The following PMEPA1 variants were observed in gnomAD, a reference collection of about 807,000 sequenced individuals.
PMEPA1 encodes prostate transmembrane protein, androgen induced 1.
In PMEPA1, 11 loss-of-function variants were observed where a neutral mutation model predicts 23.0. The ratio of observed to expected loss-of-function variants is 0.48; its 90% CI spans 0.30 to 0.79. The LOEUF (loss-of-function observed/expected upper bound fraction) is 0.79, where lower values mean the gene tolerates loss of function less well. Among genes scored for constraint, PMEPA1 ranks in the 30% least tolerant of loss-of-function variants. The pLI is 0.06. For synonymous variants in PMEPA1, 204 were observed against 166.4 expected, an observed-to-expected ratio of 1.23 and a Z score of -1.74; for missense variants, 377 against 390.9, an observed-to-expected ratio of 0.96 and a Z score of 0.30.
intron 1 of PMEPA1, among the ~76,000 whole-genome samples, chr20:57,687,987 A>G (rs113499415): frequency 6.6e-5 from 10 of 152,254 alleles, no homozygotes; most frequent in African/African-American, 2.4e-4. Flanking sequence ...CCCTGGGTTC[A>G]GTGTCTTTCC....
chr20:57,679,219 C>A (rs532397297), intron 1 of PMEPA1, among the ~76,000 whole-genome samples: 1 of 152,154 alleles, frequency 6.6e-6, no homozygotes, highest in South Asian at 2.1e-4. Context: ...AAAAAACACT[C>A]CTGGCCAAAC....
At chr20:57,668,766 G>T (rs1037079942) in intron 1 of PMEPA1, among the ~76,000 whole-genome samples, 1 of 152,202 alleles carries the variant, frequency 6.6e-6, no homozygotes, top group Non-Finnish European at 1.5e-5. Context: ...CTTGTTTTCT[G>T]TTCTATAAAA....
In PMEPA1 at chr20:57,652,236, C is replaced by T. The variant is rs762939071; in HGVS notation, c.681G>A (p.Gly227=). ...TGACCTCGCTGTAGGTGGGCGGCGGCCCCTCCATGCGCCCGCCGCTGCCGT... is the reference window on the plus strand; with the variant it reads ...TGACCTCGCTGTAGGTGGGCGGCGGTCCCTCCATGCGCCCGCCGCTGCCGT... ...TCYGSGGRME[G]PPPTYSEVIG... Residue 227 remains glycine, a synonymous_variant, in exon 4 of 4, where the codon GGG becomes GGA. Coordinates refer to ENST00000341744, the MANE Select transcript of PMEPA1 (RefSeq NM_020182.5). This position sits in a 1 kb window ranked among gnomAD's most constrained non-coding sequence, Gnocchi z 6.1. The T allele has an allele frequency of 2.7e-5, 43 of 1,606,996 alleles. No homozygotes were observed. Among genetic ancestry groups the T allele is most frequent in the East Asian group, 2.7e-4 (12 of 44,848 alleles).
At chr20:57,662,711 C>G (rs1440540978) in intron 1 of PMEPA1, among the ~76,000 whole-genome samples, 1 of 152,118 alleles carries the variant, frequency 6.6e-6, no homozygotes, top group Non-Finnish European at 1.5e-5. Context: ...CCCACGCCCC[C>G]CCACCCCCGG....
At position 57,682,484 on chromosome 20, in the gene PMEPA1, G is replaced by A. The variant is rs575242854; in HGVS notation, c.110-22787C>T. ...CTGGAGTGTCGGGGTCCTAGGCGCC[G>A]GCCCAGAGGAGTTTCAAAGTCAGCC... On this transcript the variant is annotated intron_variant, in intron 1 of 3. Coordinates refer to ENST00000341744, the MANE Select transcript of PMEPA1 (RefSeq NM_020182.5). This position sits in a 1 kb window ranked among gnomAD's most constrained non-coding sequence, Gnocchi z 4.4. Among the ~76,000 whole-genome samples the A allele has an allele frequency of 1.9e-4, 29 of 152,248 alleles. No homozygotes were observed. The highest frequency in any genetic ancestry group is 5.5e-4 in the African/African-American group (23 of 41,542).
intron 1 of PMEPA1, among the ~76,000 whole-genome samples, chr20:57,676,938 A>AC (rs1165429396): frequency 6.6e-6 from 1 of 152,118 alleles, no homozygotes; most frequent in Non-Finnish European, 1.5e-5. Flanking sequence ...CAAGTCTCTG[A>AC]CTTCCCACAC....
chr20:57,681,601 C>T (rs113921731), intron 1 of PMEPA1, among the ~76,000 whole-genome samples: 75 of 152,330 alleles, frequency 4.9e-4, no homozygotes, highest in Admixed American at 1.0e-3. Context: ...TGTCGTTTCA[C>T]GTTCAATTCT....
chr20:57,678,337 C>T (rs2071667238), intron 1 of PMEPA1, among the ~76,000 whole-genome samples: 1 of 152,248 alleles, frequency 6.6e-6, no homozygotes, highest in Non-Finnish European at 1.5e-5. Context: ...TTTACAACCG[C>T]ATGCTAACAA....
intron 1 of PMEPA1, among the ~76,000 whole-genome samples, chr20:57,674,860 T>C (rs1255088232): frequency 5.3e-5 from 8 of 152,222 alleles, no homozygotes; most frequent in Non-Finnish European, 8.8e-5. Flanking sequence ...TGATCTGTCC[T>C]CTCTGGAGCA....
At chr20:57,662,545 C>G (rs1216790364) in intron 1 of PMEPA1, among the ~76,000 whole-genome samples, 2 of 152,238 alleles carry the variant, frequency 1.3e-5, no homozygotes, top group Admixed American at 6.5e-5. Context: ...GATCAGGCTT[C>G]AGACCCAGGT....
At chr20:57,702,063 T>C (rs2072018888) in intron 1 of PMEPA1, among the ~76,000 whole-genome samples, 1 of 152,190 alleles carries the variant, frequency 6.6e-6, no homozygotes, top group African/African-American at 2.4e-5. Context: ...CCTCTGAGTG[T>C]GGCCTCTCAG....
At chr20:57,678,471 G>A (rs1171670171) in intron 1 of PMEPA1, among the ~76,000 whole-genome samples, 1 of 152,194 alleles carries the variant, frequency 6.6e-6, no homozygotes, top group Non-Finnish European at 1.5e-5. Flanking sequence ...CGGTCCTTAG[G>A]GCCTGGCCCA....
intron 1 of PMEPA1, among the ~76,000 whole-genome samples, chr20:57,705,163 G>A (rs892758651): frequency 2.6e-5 from 4 of 152,200 alleles, no homozygotes; most frequent in Non-Finnish European, 5.9e-5. Flanking sequence ...GTGTGCGCAT[G>A]CAAGCACCCA....
chr20:57,648,870 G>A lies in PMEPA1; in HGVS notation c.*3183C>T, dbSNP rs554387083. 2.6e-5 allele frequency: 4 copies of A among 152,218 alleles called. No homozygotes were observed. In the East Asian group the frequency reaches 5.8e-4, roughly 22 times the overall value. 9.4% of individuals were successfully genotyped at this position (152,218 alleles called of 1,614,324 possible). Reference sequence around the variant, plus strand: ...TCTGAAACGTACAATTCATAGGGACGACCAATGAGGACAGGGAATGAACCC... The same window carrying A: ...TCTGAAACGTACAATTCATAGGGACAACCAATGAGGACAGGGAATGAACCC... On this transcript the variant is annotated 3_prime_UTR_variant, in exon 4 of 4. Coordinates refer to ENST00000341744, the MANE Select transcript of PMEPA1 (RefSeq NM_020182.5).
chr20:57,706,768 G>A (rs980712072), intron 1 of PMEPA1, among the ~76,000 whole-genome samples: 6 of 152,084 alleles, frequency 3.9e-5, no homozygotes, highest in Non-Finnish European at 8.8e-5. Context: ...TTTGGACCTC[G>A]GGCAAAACTT....
intron 1 of PMEPA1, among the ~76,000 whole-genome samples, chr20:57,677,152 C>T (rs992097152): frequency 6.6e-6 from 1 of 152,198 alleles, no homozygotes; most frequent in Non-Finnish European, 1.5e-5. Flanking sequence ...TACTCTGCAT[C>T]GCCTGGTGGC....
In PMEPA1 at chr20:57,652,569, G is replaced by A. The variant is rs536568452; in HGVS notation, c.348C>T (p.Thr116=). The change falls in exon 4 of 4, where the codon ACC becomes ACT. Residue 116 remains threonine (T), a synonymous_variant. Coordinates refer to ENST00000341744, the MANE Select transcript of PMEPA1 (RefSeq NM_020182.5). This position sits in a 1 kb window ranked among gnomAD's most constrained non-coding sequence, Gnocchi z 6.1. ...CGAAGGGCGGCACGGCCAGGCGGTC[G>A]GTGGGCCGAGGCGGGGCGTAGACCT... is the stretch of plus-strand genomic sequence containing the variant. ...EPQVYAPPRP[T]DRLAVPPFAQ... 93 of 1,513,560 alleles carry A rather than the reference G, an allele frequency of 6.1e-5. No homozygotes were observed. The highest frequency in any genetic ancestry group is 6.7e-5 in the Admixed American group (3 of 44,750). The allele number at this position is 1,513,560 out of a possible 1,614,324, so 93.8% of individuals were successfully genotyped here. A position where few individuals can be genotyped will look rare whatever the true frequency, so the allele number is the denominator to read the frequency against.
intron 1 of PMEPA1, among the ~76,000 whole-genome samples, chr20:57,687,700 A>T (rs1442442607): frequency 6.6e-6 from 1 of 152,236 alleles, no homozygotes; most frequent in African/African-American, 2.4e-5. Flanking sequence ...CCAGCAGGAC[A>T]AGATCAGGGG....
intron 1 of PMEPA1, among the ~76,000 whole-genome samples, chr20:57,695,502 T>C (rs1462303781): frequency 6.6e-6 from 1 of 152,254 alleles, no homozygotes; most frequent in Non-Finnish European, 1.5e-5. Context: ...TCTGCCCTGC[T>C]TAAAACTGCA....
Sources: gnomAD v4.1 joint callset for allele counts (sites outside exome capture counted in the v4.1 genomes callset) on GRCh38, gnomAD v4.1.1 for gene constraint, Gnocchi (gnomAD v3.1) non-coding constraint, MANE v1.5 for transcripts, NCBI Gene and HGNC (gene_info 2026-07-23, HGNC 2026-07-21) for gene names.